CYP2A13: variants seen among roughly 807,000 people sequenced by gnomAD.
CYP2A13 encodes cytochrome P450 family 2 subfamily A member 13, also known as cytochrome P450 2A13.
A neutral mutation model predicts 39.4 loss-of-function variants in CYP2A13; 30 were observed. The ratio of observed to expected loss-of-function variants is 0.76; its 90% CI spans 0.57 to 1.03. CYP2A13 has a LOEUF of 1.03. Among genes scored for constraint, CYP2A13 ranks in the 50% least tolerant of loss-of-function variants. The probability of loss-of-function intolerance (pLI) is 0.00; values close to 1 mark genes in which losing one functional copy is unlikely to be tolerated. For missense variants in CYP2A13, 731 were observed against 648.4 expected (o/e 1.13, Z -1.38); for synonymous variants, 269 against 254.7 (o/e 1.06, Z -0.54).
Position 41,094,382 on chromosome 19 carries a change from GC to G in CYP2A13, c.1114del (p.His372ThrfsTer28). ...RFGDMLPMGL[A>X]HRVNKDTKFR... is the part of the protein sequence containing the mutation. The stretch of plus-strand genomic sequence containing the variant: ...TGGAGACATGCTCCCCATGGGTTTG[GC>G]CCACAGGGTCAACAAGGACACCAAG... On this transcript the variant is annotated frameshift_variant, in exon 7 of 9. Coordinates refer to ENST00000330436, the MANE Select transcript of CYP2A13 (RefSeq NM_000766.5). LOFTEE classifies it high-confidence loss of function. 1 of 1,614,038 alleles carries G rather than the reference GC, an allele frequency of 6.2e-7. No individual in the cohort carries two copies.
At chr19:41,089,784 T>C (rs1328818695) in intron 2 of CYP2A13, among the ~76,000 whole-genome samples, 1 of 148,530 alleles carries the variant, frequency 6.7e-6, no homozygotes, top group East Asian at 2.0e-4. Context: ...CTCTTCTGAT[T>C]CTCTTATTCT....
At chr19:41,089,566 C>T (rs1430148297) in intron 2 of CYP2A13, among the ~76,000 whole-genome samples, 3 of 152,122 alleles carry the variant, frequency 2.0e-5, no homozygotes, top group Admixed American at 2.0e-4. Flanking sequence ...CTTCCCGATC[C>T]TCTCTGTTTC....
Position 41,095,001 on chromosome 19 carries a change from C to T in CYP2A13, c.1204C>T (p.Pro402Ser), listed in dbSNP as rs1201719434. The change falls in exon 8 of 9, where the codon CCC (proline) becomes TCC (serine). Residue 402 changes from proline (P) to serine (S), a missense_variant. Transcript: ENST00000330436. Reference protein sequence around the residue: ...FPMLGSVLRDPRFFSNPRDFN... With the variant: ...FPMLGSVLRDSRFFSNPRDFN... ...TATGCTGGGCTCCGTGCTGAGAGAC[C>T]CCAGGTTCTTCTCCAACCCCCGGGA... 2 of 1,613,958 alleles carry T rather than the reference C, an allele frequency of 1.2e-6. No individual in the cohort carries two copies. Among genetic ancestry groups the T allele is most frequent in the Non-Finnish European group, 1.7e-6 (2 of 1,180,014 alleles).
chr19:41,094,167 A>G (rs3891221), intron 6 of CYP2A13, 78 bp from the exon 7 acceptor site: 1 of 1,570,318 alleles, frequency 6.4e-7, no homozygotes, highest in Non-Finnish European at 8.6e-7. Context: ...TATGTCAACC[A>G]CCGTGTTTTA....
chr19:41,095,191 T>C (rs922635279), intron 8 of CYP2A13, 91 bp downstream of exon 8: 1 of 1,610,822 alleles, frequency 6.2e-7, no homozygotes, highest in African/African-American at 1.3e-5. Context: ...AGCCTGGTAT[T>C]TCTCCAGCTT....
In CYP2A13 at chr19:41,095,102, T is replaced by C; in HGVS notation, c.1303+2T>C. Reference sequence around the variant, plus strand: ...ATGCTTTTGTGCCCTTTTCCATCGGTAAGAGACCACTGTTTGCTGCCAGGC... The same window carrying C: ...ATGCTTTTGTGCCCTTTTCCATCGGCAAGAGACCACTGTTTGCTGCCAGGC... On this transcript the variant is annotated splice_donor_variant, in intron 8 of 8. Coordinates refer to ENST00000330436, the MANE Select transcript of CYP2A13 (RefSeq NM_000766.5). LOFTEE classifies it high-confidence loss of function. The C allele has an allele frequency of 6.2e-7, 1 of 1,613,970 alleles. No individual in the cohort carries two copies. Among genetic ancestry groups the C allele is most frequent in the Non-Finnish European group, 8.5e-7 (1 of 1,179,980 alleles).
intron 1 of CYP2A13, 93 bp downstream of exon 1, chr19:41,088,744 T>G (rs1456136613): frequency 1.3e-6 from 2 of 1,548,416 alleles, no homozygotes; most frequent in Non-Finnish European, 1.7e-6. Context: ...TGGACCAGAG[T>G]CTTAGGAAAG....
chr19:41,089,837 TCTCTCTCTCTCTCTCTCTCTCTCTCTCTC>T (rs879718205), intron 2 of CYP2A13, among the ~76,000 whole-genome samples, 181 bp from the exon 3 acceptor site: 2,021 of 131,744 alleles, frequency 0.015, 63 homozygotes, highest in Non-Finnish European at 0.024. Flanking sequence ...TCTCTCTCTC[TCTCTCTCTCTCTCTCTCTCTCTCTCTCTC>T]TCTCTCGTGC....
chr19:41,088,859 G>T, intron 1 of CYP2A13, 70 bp from the exon 2 acceptor site: 1 of 1,592,378 alleles, frequency 6.3e-7, no homozygotes, highest in South Asian at 1.1e-5. Context: ...CCCAGTACAT[G>T]ATATCTCAGT....
At position 41,091,618 on chromosome 19, in the gene CYP2A13, G is replaced by A. The variant is rs113799141; in HGVS notation, c.655-114G>A. The stretch of plus-strand genomic sequence containing the variant: ...ACCCCACTGAAATACCTAAACACCT[G>A]GACAGATGCCTTTAACTCCGTTCCT... On this transcript the variant is annotated intron_variant, in intron 4 of 8. Coordinates refer to ENST00000330436, the MANE Select transcript of CYP2A13 (RefSeq NM_000766.5). The A allele has an allele frequency of 5.3e-5, 78 of 1,481,950 alleles. 1 individual carries two copies. The African/African-American group carries it at 9.2e-4, about 18-fold the overall frequency. 91.8% of individuals were successfully genotyped at this position (1,481,950 alleles called of 1,614,324 possible). A position where few individuals can be genotyped will look rare whatever the true frequency, so the allele number is the denominator to read the frequency against.
Position 41,089,108 on chromosome 19 carries a change from G to A in CYP2A13, c.343+17G>A, listed in dbSNP as rs778457382. 3.3e-5 allele frequency: 53 copies of A among 1,611,468 alleles called. 1 individual carries two copies. The highest frequency in any genetic ancestry group is 4.5e-5 in the East Asian group (2 of 44,886). ...AAGGCTATGGTGAGGGGGTGCCCAA[G>A]AGGGGGAAGGTGGCCAGGTGGATGC... On this transcript the variant is annotated intron_variant, in intron 2 of 8. Transcript: ENST00000330436.
chr19:41,094,153 G>A lies in CYP2A13; in HGVS notation c.974-92G>A, dbSNP rs1401388978. 7 of 1,544,506 alleles carry A rather than the reference G, an allele frequency of 4.5e-6. No homozygotes were observed. The East Asian group carries it at 1.6e-4, about 35-fold the overall frequency. On this transcript the variant is annotated intron_variant, in intron 6 of 8. Transcript: ENST00000330436. Reference sequence around the variant, plus strand: ...ATGGTCTACCTCCGTGTCATAGGTGGAGCTATGTCAACCACCGTGTTTTAC... The same window carrying A: ...ATGGTCTACCTCCGTGTCATAGGTGAAGCTATGTCAACCACCGTGTTTTAC...
rs569144813 is a variant in CYP2A13 at position 41,088,925 on chromosome 19, A to T, written c.181-4A>T. 6.4e-5 allele frequency: 104 copies of T among 1,613,810 alleles called. 1 individual carries two copies. Among genetic ancestry groups the T allele is most frequent in the East Asian group, 5.1e-4 (23 of 44,868 alleles). On this transcript the variant is annotated splice_region_variant and splice_polypyrimidine_tract_variant and intron_variant, in intron 1 of 8. Coordinates refer to ENST00000330436, the MANE Select transcript of CYP2A13 (RefSeq NM_000766.5). The stretch of plus-strand genomic sequence containing the variant: ...CTCTAACCACTCCCACCTGCCTCCA[A>T]CAGATCAGTGAGCGCTATGGCCCTG...
Position 41,094,980 on chromosome 19 carries a change from C to A in CYP2A13, c.1183C>A (p.Leu395Met). The A allele has an allele frequency of 6.2e-7, 1 of 1,614,142 alleles. No individual in the cohort carries two copies. The change falls in exon 8 of 9, where the codon CTG becomes ATG. Residue 395 changes from leucine to methionine, a missense_variant. Physicochemically the swap from Leu to Met is conservative, Grantham distance 15 (BLOSUM62 2). Transcript: ENST00000330436. ...LPKGTEVFPMLGSVLRDPRFF... is the reference protein window; with the variant it reads ...LPKGTEVFPMMGSVLRDPRFF... The stretch of plus-strand genomic sequence containing the variant: ...CCAGGGCACTGAAGTGTTCCCTATG[C>A]TGGGCTCCGTGCTGAGAGACCCCAG...
rs144338039 is a variant in CYP2A13 at position 41,090,491 on chromosome 19, A to T, written c.581A>T (p.Glu194Val). Residue 194 changes from glutamate (E) to valine (V), a missense_variant, in exon 4 of 9, where the codon GAG becomes GTG. Transcript: ENST00000330436. ...GTCTTTGGGGACCGCTTTGACTATG[A>T]GGACAAAGAGTTCCTGTCACTGTTG... ...SIVFGDRFDYEDKEFLSLLRM... is the reference protein window; with the variant it reads ...SIVFGDRFDYVDKEFLSLLRM... 2,025 of 1,614,168 alleles carry T rather than the reference A, an allele frequency of 1.3e-3. 22 individuals are homozygous for T. In the African/African-American group the frequency reaches 0.022, roughly 18 times the overall value.
chr19:41,096,039 A>G lies in CYP2A13; in HGVS notation c.*98A>G. ...GAGGGGCGGGGCTAAGAATGGGGGC[A>G]GTGGGGGAAGGAAGGGGAGAGGTGG... On this transcript the variant is annotated 3_prime_UTR_variant, in exon 9 of 9. Coordinates refer to ENST00000330436, the MANE Select transcript of CYP2A13 (RefSeq NM_000766.5). 4 of 690,712 alleles carry G rather than the reference A, an allele frequency of 5.8e-6. No homozygotes were observed. The highest frequency in any genetic ancestry group is 1.6e-5 in the South Asian group (1 of 64,476). 42.8% of individuals were successfully genotyped at this position (690,712 alleles called of 1,614,324 possible).
At chr19:41,094,790 A>G (rs2031264956) in intron 7 of CYP2A13, among the ~76,000 whole-genome samples, 169 bp from the exon 8 acceptor site, 1 of 151,970 alleles carries the variant, frequency 6.6e-6, no homozygotes, top group South Asian at 2.1e-4. Flanking sequence ...TTCCTGTTTC[A>G]GAGACATGAA....
rs773456747 is a variant in CYP2A13 at position 41,091,863 on chromosome 19, T to A, written c.786T>A (p.Asn262Lys). ...VEHNQRTLDP[N>K]SPRDFIDSFL... Reference sequence around the variant, plus strand: ...ACAACCAGCGCACGCTGGATCCCAATTCCCCACGGGACTTCATCGACTCCT... The same window carrying A: ...ACAACCAGCGCACGCTGGATCCCAAATCCCCACGGGACTTCATCGACTCCT... Residue 262 changes from asparagine to lysine, a missense_variant, in exon 5 of 9, where the codon AAT becomes AAA. Transcript: ENST00000330436. 1.9e-6 allele frequency: 3 copies of A among 1,614,150 alleles called. No homozygotes were observed. The highest frequency in any genetic ancestry group is 2.5e-6 in the Non-Finnish European group (3 of 1,180,000).
intron 2 of CYP2A13, 87 bp downstream of exon 2, chr19:41,089,178 C>G: frequency 1.9e-6 from 3 of 1,582,518 alleles, no homozygotes; most frequent in Non-Finnish European, 2.6e-6. Context: ...CTCCTGCCCA[C>G]TGGAGGCTAT....
Sources: allele counts gnomAD v4.1 joint callset (sites outside exome capture counted in the v4.1 genomes callset), GRCh38; gene constraint gnomAD v4.1.1; transcripts MANE v1.5; gene names NCBI Gene and HGNC (gene_info 2026-07-23, HGNC 2026-07-21).